ROCK1: variants seen among roughly 807,000 people sequenced by gnomAD.
The protein encoded by ROCK1 is Rho associated coiled-coil containing protein kinase 1.
In ROCK1, 36 loss-of-function variants were observed where a neutral mutation model predicts 196.8. The ratio of observed to expected loss-of-function variants is 0.18; its 90% CI spans 0.14 to 0.24. ROCK1 has a LOEUF of 0.24. ROCK1 is among the 10% of genes least tolerant of loss of function. ROCK1 has a pLI of 1.00. For synonymous variants in ROCK1, 443 were observed against 515.9 expected (o/e 0.86, Z 1.91); for missense variants, 920 against 1,562.0 (o/e 0.59, Z 6.93).
intron 21 of ROCK1, among the ~76,000 whole-genome samples, chr18:20,980,314 T>C (rs2035518967): frequency 6.6e-6 from 1 of 152,106 alleles, no homozygotes; most frequent in Non-Finnish European, 1.5e-5. Flanking sequence ...TACTGATACA[T>C]ACAACATGTA....
intron 13 of ROCK1, among the ~76,000 whole-genome samples, chr18:21,013,145 T>C (rs1367312115): frequency 1.3e-5 from 2 of 152,242 alleles, no homozygotes; most frequent in African/African-American, 4.8e-5. Context: ...AGTTAAAATT[T>C]TCCTAGTTCT....
intron 23 of ROCK1, 62 bp from the exon 24 acceptor site, chr18:20,969,270 T>A: frequency 2.0e-6 from 2 of 997,080 alleles, no homozygotes; most frequent in Non-Finnish European, 3.1e-6. Flanking sequence ...TTTCAGGCAG[T>A]AACCTTTAAA....
intron 9 of ROCK1, among the ~76,000 whole-genome samples, chr18:21,033,105 G>A (rs548563136): frequency 7.8e-4 from 118 of 152,182 alleles, no homozygotes; most frequent in South Asian, 8.3e-4. Context: ...GCTGAGGCAG[G>A]AGGATCCCTT....
At chr18:21,001,454 A>G (rs1252827485) in intron 16 of ROCK1, among the ~76,000 whole-genome samples, 1 of 152,210 alleles carries the variant, frequency 6.6e-6, no homozygotes, top group Non-Finnish European at 1.5e-5. Context: ...AAAAATATAG[A>G]CAGCAAAAGC....
chr18:21,100,976 C>A (rs541796470), intron 1 of ROCK1, among the ~76,000 whole-genome samples: 3 of 152,168 alleles, frequency 2.0e-5, no homozygotes, highest in Admixed American at 2.0e-4. Flanking sequence ...ATTATCTATA[C>A]CTTTGTAAAC....
chr18:20,995,719 T>C (rs893224270), intron 16 of ROCK1, among the ~76,000 whole-genome samples: 6 of 152,132 alleles, frequency 3.9e-5, no homozygotes, highest in African/African-American at 1.4e-4. Flanking sequence ...AGACTCCATT[T>C]GTTTGGGAGA....
chr18:21,039,238 G>T (rs558686091), intron 9 of ROCK1, among the ~76,000 whole-genome samples: 1 of 152,214 alleles, frequency 6.6e-6, no homozygotes, highest in South Asian at 2.1e-4. Context: ...TGACTGGTGA[G>T]CCTAAATCCA....
At chr18:21,024,337 G>A (rs1306956468) in intron 10 of ROCK1, among the ~76,000 whole-genome samples, 2 of 152,120 alleles carry the variant, frequency 1.3e-5, no homozygotes, top group Admixed American at 6.5e-5. Flanking sequence ...TAATTTAGAG[G>A]TCTTTTTTAG....
chr18:21,048,554 T>C (rs1321160682), intron 4 of ROCK1, among the ~76,000 whole-genome samples: 2 of 152,088 alleles, frequency 1.3e-5, no homozygotes, highest in Non-Finnish European at 2.9e-5. Flanking sequence ...TTTATATTTA[T>C]TATTTTTATT....
chr18:20,970,060 A>G, intron 23 of ROCK1: 1 of 224,390 alleles, frequency 4.5e-6, no homozygotes, highest in Non-Finnish European at 8.7e-6. Context: ...AAGCTAAGCC[A>G]TTACTTCATA....
intron 9 of ROCK1, among the ~76,000 whole-genome samples, chr18:21,033,223 A>G (rs549891606): frequency 6.6e-5 from 10 of 151,990 alleles, no homozygotes; most frequent in South Asian, 6.2e-4. Flanking sequence ...TAAAATGAAG[A>G]AAAAAAACCC....
At chr18:21,055,703 T>C (rs947887878) in intron 2 of ROCK1, among the ~76,000 whole-genome samples, 1 of 151,834 alleles carries the variant, frequency 6.6e-6, no homozygotes, top group Admixed American at 6.7e-5. Flanking sequence ...TTCTCTCCCA[T>C]CTTAGGGAAA....
intron 27 of ROCK1, among the ~76,000 whole-genome samples, chr18:20,964,171 C>G (rs988987227): frequency 1.3e-5 from 2 of 151,934 alleles, no homozygotes; most frequent in African/African-American, 4.8e-5. Context: ...TTCAAAAAGC[C>G]ATCATTTTAA....
Position 21,085,205 on chromosome 18 carries a change from C to T in ROCK1, c.94-14592G>A, listed in dbSNP as rs537941072. Among the ~76,000 whole-genome samples the T allele has an allele frequency of 4.6e-5, 7 of 152,110 alleles. No homozygotes were observed. The South Asian group carries it at 1.2e-3, about 27-fold the overall frequency. ...ACAAAATTGTGAATGTGCTTTAACA[C>T]CACCAAATTGTACTCAGGAACAGTT... On this transcript the variant is annotated intron_variant, in intron 1 of 32. Transcript: ENST00000399799.
rs1233506833 is a variant in ROCK1, at chr18:20,961,868, C to A, written c.3353-1662G>T. 2.3e-5 allele frequency among the ~76,000 whole-genome samples: 3 copies of A among 133,290 alleles called. No homozygotes were observed. In the East Asian group the frequency reaches 6.5e-4, roughly 29 times the overall value. 87.4% of individuals were successfully genotyped at this position (133,290 alleles called of 152,430 possible). ...ATGAAGTCTTGTTACGTTGTCCAGGCTGGCCTCAAACTCCTGAGCCTCAGC... is the reference window on the plus strand; with the variant it reads ...ATGAAGTCTTGTTACGTTGTCCAGGATGGCCTCAAACTCCTGAGCCTCAGC... On this transcript the variant is annotated intron_variant, in intron 27 of 32. Coordinates refer to ENST00000399799, the MANE Select transcript of ROCK1 (RefSeq NM_005406.3).
chr18:20,983,700 T>C (rs2035553719), intron 20 of ROCK1, among the ~76,000 whole-genome samples: 1 of 152,064 alleles, frequency 6.6e-6, no homozygotes, highest in Non-Finnish European at 1.5e-5. Context: ...GCGAAAACGG[T>C]GGCCCTAAAA....
At chr18:21,004,415 G>T (rs1255313782) in intron 16 of ROCK1, among the ~76,000 whole-genome samples, 1 of 152,150 alleles carries the variant, frequency 6.6e-6, no homozygotes, top group Non-Finnish European at 1.5e-5. Flanking sequence ...ACTTTTATAT[G>T]TATGTTGAAA....
At chr18:21,028,742 A>G (rs376736965) in intron 10 of ROCK1, 34 bp downstream of exon 10, 3 of 1,538,366 alleles carry the variant, frequency 2.0e-6, no homozygotes, top group Non-Finnish European at 2.6e-6. Context: ...CAAAATCAGC[A>G]CTTACTCCTA....
At chr18:21,029,578 TATC>T (rs567785203) in intron 9 of ROCK1, among the ~76,000 whole-genome samples, 78 of 152,278 alleles carry the variant, frequency 5.1e-4, no homozygotes, top group Admixed American at 8.5e-4. Flanking sequence ...GTATTTATGA[TATC>T]ATTGTTAATA....
Sources: gnomAD v4.1 joint callset for allele counts (sites outside exome capture counted in the v4.1 genomes callset) on GRCh38, gnomAD v4.1.1 for gene constraint, MANE v1.5 for transcripts, NCBI Gene and HGNC (gene_info 2026-07-23, HGNC 2026-07-21) for gene names.